Variants in SSBP2 observed in about 807,000 individuals in gnomAD.
SSBP2 encodes the protein single stranded DNA binding protein 2, also known as single-stranded DNA-binding protein 2.
Under a neutral mutation model 61.8 loss-of-function variants are expected in SSBP2, and 17 were observed. The ratio of observed to expected loss-of-function variants is 0.28; its 90% CI spans 0.19 to 0.41. The LOEUF is 0.41. Ranked by LOEUF, SSBP2 falls within the 10% of genes least tolerant of loss-of-function variation. The pLI is 1.00. For synonymous variants in SSBP2, 139 were observed against 141.3 expected (o/e 0.98, Z 0.12); for missense variants, 310 against 458.7 (o/e 0.68, Z 2.96).
At chr5:81,486,554 A>G (rs1452172832) in intron 6 of SSBP2, among the ~76,000 whole-genome samples, 1 of 152,194 alleles carries the variant, frequency 6.6e-6, no homozygotes, top group Admixed American at 6.6e-5. Context: ...CTTATATAAT[A>G]TACAAAGCTA....
intron 6 of SSBP2, 107 bp downstream of exon 6, chr5:81,489,143 T>C (rs1340427056): frequency 7.9e-6 from 8 of 1,015,508 alleles, no homozygotes; most frequent in Non-Finnish European, 1.2e-5. Context: ...TAGCATTAAA[T>C]GGGACAGAAA....
At position 81,584,917 on chromosome 5, in the gene SSBP2, C is replaced by G. The variant is rs529658690; in HGVS notation, c.282+30556G>C. 2.0e-5 allele frequency among the ~76,000 whole-genome samples: 3 copies of G among 152,146 alleles called. No homozygotes were observed. The East Asian group carries it at 5.8e-4, about 29-fold the overall frequency. On this transcript the variant is annotated intron_variant, in intron 4 of 16. Transcript: ENST00000320672. ...TATAATGCTGTCATATAAAAATTAACATATATTTTCTCACTTAGTCTTCAT... is the reference window on the plus strand; with the variant it reads ...TATAATGCTGTCATATAAAAATTAAGATATATTTTCTCACTTAGTCTTCAT...
chr5:81,478,249 A>G (rs1765725607), intron 6 of SSBP2, among the ~76,000 whole-genome samples: 4 of 151,854 alleles, frequency 2.6e-5, no homozygotes. Context: ...GCAGCCACAA[A>G]TTCCTGGACT....
At chr5:81,679,575 A>T (rs1752236273) in intron 1 of SSBP2, among the ~76,000 whole-genome samples, 1 of 152,258 alleles carries the variant, frequency 6.6e-6, no homozygotes. Context: ...CAAACACTAT[A>T]AAAGTTTTTT....
At chr5:81,537,490 C>T (rs1390015640) in intron 4 of SSBP2, among the ~76,000 whole-genome samples, 2 of 152,088 alleles carry the variant, frequency 1.3e-5, no homozygotes, top group Admixed American at 6.6e-5. Context: ...TAGAGACATA[C>T]CTCACTTTAT....
rs140173731 is a variant in SSBP2 at position 81,595,473 on chromosome 5, C to T, written c.282+20000G>A. Among the ~76,000 whole-genome samples, 215 of 152,296 alleles carry T rather than the reference C, an allele frequency of 1.4e-3. 8 individuals are homozygous for T. In the East Asian group the frequency reaches 0.037, roughly 26 times the overall value. On this transcript the variant is annotated intron_variant, in intron 4 of 16. Transcript: ENST00000320672. ...TCCAATCGATAGAAAAAAAGGGAAT[C>T]CTCCCTAACTCATTTTATGAGGCCA... is the stretch of plus-strand genomic sequence containing the variant.
chr5:81,570,215 G>A (rs1282749667), intron 4 of SSBP2, among the ~76,000 whole-genome samples: 3 of 152,050 alleles, frequency 2.0e-5, no homozygotes, highest in African/African-American at 7.2e-5. Context: ...TACACACATA[G>A]TCCCCCACAC....
intron 6 of SSBP2, among the ~76,000 whole-genome samples, chr5:81,487,264 C>T: frequency 6.6e-6 from 1 of 152,160 alleles, no homozygotes; most frequent in Non-Finnish European, 1.5e-5. Flanking sequence ...TATATACATA[C>T]AGTGCCTGTA....
rs145599885 is a variant in SSBP2, at chr5:81,681,377, G to A, written c.63-31038C>T. On this transcript the variant is annotated intron_variant, in intron 1 of 16. Transcript: ENST00000320672. ...TCTACTAAAAATGGAAAAATTAGCC[G>A]GGTGTGGTGATGAGCACCTGTAATC... Among the ~76,000 whole-genome samples, 1,196 of 151,982 alleles carry A rather than the reference G, an allele frequency of 7.9e-3. 5 individuals are homozygous for A. The highest frequency in any genetic ancestry group is 0.02 in the Middle Eastern group (6 of 294).
chr5:81,488,057 A>ATATATATATATT (rs1766557939), intron 6 of SSBP2, among the ~76,000 whole-genome samples: 1 of 63,240 alleles, frequency 1.6e-5, no homozygotes, highest in South Asian at 4.7e-4. Flanking sequence ...ATATATATAT[A>ATATATATATATT]TAAATAAAAT....
intron 4 of SSBP2, among the ~76,000 whole-genome samples, chr5:81,592,578 G>A (rs1264984561): frequency 6.6e-6 from 1 of 152,308 alleles, no homozygotes; most frequent in South Asian, 2.1e-4. Flanking sequence ...TAGCCTAAGT[G>A]GGAGGCACCC....
At chr5:81,466,936 C>A (rs758056208) in intron 9 of SSBP2, 38 bp downstream of exon 9, 1 of 1,211,556 alleles carries the variant, frequency 8.3e-7, no homozygotes, top group South Asian at 1.5e-5. Context: ...AAAATATCAT[C>A]CACGTAATAA....
chr5:81,688,349 G>C (rs1271977448), intron 1 of SSBP2, among the ~76,000 whole-genome samples: 3 of 152,214 alleles, frequency 2.0e-5, no homozygotes, highest in African/African-American at 7.2e-5. Context: ...GGGGAAACTT[G>C]CCGCCCTGAA....
intron 4 of SSBP2, among the ~76,000 whole-genome samples, chr5:81,541,626 C>T (rs1681579100): frequency 6.6e-6 from 1 of 152,262 alleles, no homozygotes; most frequent in Middle Eastern, 3.4e-3. Flanking sequence ...TGCAGACCTA[C>T]AGCCATCTGA....
intron 6 of SSBP2, among the ~76,000 whole-genome samples, chr5:81,484,564 T>C (rs1228820212): frequency 6.6e-6 from 1 of 152,074 alleles, no homozygotes; most frequent in Non-Finnish European, 1.5e-5. Context: ...TAAATCTTAG[T>C]GTAATTATCA....
At chr5:81,590,766 C>T (rs981916294) in intron 4 of SSBP2, among the ~76,000 whole-genome samples, 1 of 152,138 alleles carries the variant, frequency 6.6e-6, no homozygotes, top group African/African-American at 2.4e-5. Context: ...AACCTGAAAC[C>T]ACTAAAGGAA....
intron 4 of SSBP2, among the ~76,000 whole-genome samples, chr5:81,572,308 A>G (rs568492269): frequency 6.6e-6 from 1 of 152,334 alleles, no homozygotes; most frequent in Admixed American, 6.5e-5. Flanking sequence ...TTTGGTTTCT[A>G]ATGACAGTAT....
chr5:81,740,019 A>G (rs544106153), intron 1 of SSBP2, among the ~76,000 whole-genome samples: 3 of 152,292 alleles, frequency 2.0e-5, no homozygotes, highest in East Asian at 3.9e-4. Context: ...AAGCATCAAC[A>G]ACCTTTAATA....
intron 7 of SSBP2, 31 bp downstream of exon 7, chr5:81,474,465 A>G: frequency 6.3e-7 from 1 of 1,595,734 alleles, no homozygotes; most frequent in Non-Finnish European, 8.6e-7. Flanking sequence ...GGTTCTGCAC[A>G]TCAATTTTCC....
Sources: gnomAD v4.1 joint callset for allele counts (sites outside exome capture counted in the v4.1 genomes callset) on GRCh38, gnomAD v4.1.1 for gene constraint, MANE v1.5 for transcripts, NCBI Gene and HGNC (gene_info 2026-07-23, HGNC 2026-07-21) for gene names.